TSPAN14: variants seen among roughly 807,000 people sequenced by gnomAD.
The protein encoded by TSPAN14 is tetraspanin-14.
A neutral mutation model predicts 36.6 loss-of-function variants in TSPAN14; 16 were observed. The ratio of observed to expected loss-of-function variants is 0.44; its 90% CI spans 0.30 to 0.66. The LOEUF is 0.66. TSPAN14 is among the 30% of genes least tolerant of loss of function. The pLI is 0.12. For missense variants in TSPAN14, 231 were observed against 355.1 expected (o/e 0.65, Z 2.81); for synonymous variants, 139 against 143.8 (o/e 0.97, Z 0.24).
At chr10:80,508,893 C>A (rs544514330) in intron 4 of TSPAN14, among the ~76,000 whole-genome samples, 4 of 152,100 alleles carry the variant, frequency 2.6e-5, no homozygotes, top group Non-Finnish European at 4.4e-5. Context: ...CTAAAGGAGC[C>A]GACACCCCAG....
At chr10:80,467,362 A>C (rs1239155141) in intron 1 of TSPAN14, among the ~76,000 whole-genome samples, 1 of 152,168 alleles carries the variant, frequency 6.6e-6, no homozygotes, top group Non-Finnish European at 1.5e-5. Flanking sequence ...CAAGACTGGG[A>C]AAGTCACCAT....
intron 6 of TSPAN14, among the ~76,000 whole-genome samples, chr10:80,512,750 G>A (rs60857472): frequency 0.011 from 1,693 of 152,260 alleles, 24 homozygotes; most frequent in African/African-American, 0.039. Flanking sequence ...CTGGAGTGTA[G>A]TGGCATGATC....
In TSPAN14 at chr10:80,500,805, C is replaced by T. The variant is rs113431535; in HGVS notation, c.82-3923C>T. On this transcript the variant is annotated intron_variant, in intron 2 of 8. Transcript: ENST00000429989. ...TGTGGTCTGTGGGCCATATGCAGAG[C>T]GGTAAGCGGCCCTACAGCGGCCCTG... Among the ~76,000 whole-genome samples, 12 of 152,266 alleles carry T rather than the reference C, an allele frequency of 7.9e-5. 1 individual carries two copies. Among genetic ancestry groups the T allele is most frequent in the African/African-American group, 2.2e-4 (9 of 41,566 alleles).
intron 3 of TSPAN14, among the ~76,000 whole-genome samples, chr10:80,505,319 C>T (rs916400406): frequency 3.3e-5 from 5 of 151,974 alleles, no homozygotes; most frequent in Admixed American, 6.6e-5. Context: ...GGTGCAGTTG[C>T]GGCTCCAGGA....
chr10:80,485,604 G>C (rs1847543665), intron 1 of TSPAN14: 2 of 985,116 alleles, frequency 2.0e-6, no homozygotes, highest in Non-Finnish European at 2.4e-6. Flanking sequence ...ACCTTCTTCA[G>C]CTTAAACTAT....
chr10:80,489,380 C>A, intron 2 of TSPAN14, 66 bp downstream of exon 2: 2 of 1,151,626 alleles, frequency 1.7e-6, no homozygotes, highest in Non-Finnish European at 2.5e-6. Context: ...TGGTTTTCCA[C>A]ACACTCTTGA....
chr10:80,513,655 TAAATC>T lies in TSPAN14; in HGVS notation c.577-360_577-356del, dbSNP rs373824422. Among the ~76,000 whole-genome samples, 17 of 152,346 alleles carry T rather than the reference TAAATC, an allele frequency of 1.1e-4. No homozygotes were observed. In the East Asian group the frequency reaches 2.9e-3, roughly 26 times the overall value. On this transcript the variant is annotated intron_variant, in intron 6 of 8. Coordinates refer to ENST00000429989, the Ensembl canonical transcript of TSPAN14. ...TCAGATGTTTTTAAATGGTTGGAAA[TAAATC>T]AAAAGAAGAATAATATTTTGTGGTA...
At chr10:80,474,755 A>G (rs528716300) in intron 1 of TSPAN14, among the ~76,000 whole-genome samples, 3 of 152,198 alleles carry the variant, frequency 2.0e-5, no homozygotes, top group Admixed American at 6.5e-5. Context: ...GTCAGGCCAC[A>G]TGGTTTGAGC....
intron 6 of TSPAN14, among the ~76,000 whole-genome samples, chr10:80,512,977 A>G (rs1840738384): frequency 6.6e-6 from 1 of 152,096 alleles, no homozygotes; most frequent in Non-Finnish European, 1.5e-5. Flanking sequence ...CTCACTGTAC[A>G]ACCATTGCTT....
intron 1 of TSPAN14, among the ~76,000 whole-genome samples, chr10:80,479,289 T>C (rs533708035): frequency 2.7e-5 from 4 of 150,708 alleles, no homozygotes; most frequent in Admixed American, 2.6e-4. Context: ...AGAAGCTCTT[T>C]AGTTTAATTA....
At chr10:80,500,314 C>CTTTTTTTTTTTTTT (rs144759161) in intron 2 of TSPAN14, among the ~76,000 whole-genome samples, 3 of 47,860 alleles carry the variant, frequency 6.3e-5, no homozygotes, top group African/African-American at 2.6e-4. Context: ...AGGCCTTATT[C>CTTTTTTTTTTTTTT]TTTTTTTTTT....
intron 1 of TSPAN14, 116 bp from the exon 2 acceptor site, chr10:80,489,101 G>C: frequency 1.4e-6 from 1 of 691,026 alleles, no homozygotes; most frequent in Non-Finnish European, 2.5e-6. Context: ...GCTTGGACCA[G>C]TAAAGGGTCA....
At chr10:80,479,563 T>C (rs990619356) in intron 1 of TSPAN14, among the ~76,000 whole-genome samples, 43 of 152,170 alleles carry the variant, frequency 2.8e-4, no homozygotes, top group African/African-American at 9.1e-4. Flanking sequence ...CTTTCCCCAT[T>C]GCTTGTTTTT....
chr10:80,520,467 G>T, exon 9 of TSPAN14: 1 of 450,336 alleles, frequency 2.2e-6, no homozygotes. Flanking sequence ...GCACTGGCCT[G>T]TCCTGAATCC....
chr10:80,473,928 T>G (rs150562487), intron 1 of TSPAN14, among the ~76,000 whole-genome samples: 8 of 152,190 alleles, frequency 5.3e-5, no homozygotes, highest in African/African-American at 1.9e-4. Context: ...CTGAGCAGCC[T>G]GCCCTGGCCT....
At chr10:80,480,238 A>G (rs1196836886) in intron 1 of TSPAN14, among the ~76,000 whole-genome samples, 12 of 151,146 alleles carry the variant, frequency 7.9e-5, no homozygotes, top group Non-Finnish European at 1.5e-4. Flanking sequence ...GTCATCTGCA[A>G]ACAGGGACAA....
In TSPAN14 at chr10:80,516,025, A is replaced by G. The variant is rs74143161; in HGVS notation, c.622-179A>G. On this transcript the variant is annotated intron_variant, in intron 7 of 8. Coordinates refer to ENST00000429989, the Ensembl canonical transcript of TSPAN14. Reference sequence around the variant, plus strand: ...CAGGTGGTGCGATGGCACAGTGCCCAGCGAGGGGCAGAGGCTGAGAGGAGC... The same window carrying G: ...CAGGTGGTGCGATGGCACAGTGCCCGGCGAGGGGCAGAGGCTGAGAGGAGC... 8.1e-3 allele frequency: 6,920 copies of G among 851,390 alleles called. 336 individuals carry two copies. The African/African-American group carries it at 0.1, about 13-fold the overall frequency. The allele number at this position is 851,390 out of a possible 1,614,324, so 52.7% of individuals were successfully genotyped here.
intron 2 of TSPAN14, among the ~76,000 whole-genome samples, chr10:80,500,705 T>A (rs1253064885): frequency 6.6e-6 from 1 of 152,156 alleles, no homozygotes; most frequent in Non-Finnish European, 1.5e-5. Context: ...GGTGGGGAGC[T>A]GGCTTCCCCA....
At chr10:80,466,735 T>C (rs1846270334) in intron 1 of TSPAN14, among the ~76,000 whole-genome samples, 1 of 152,154 alleles carries the variant, frequency 6.6e-6, no homozygotes, top group African/African-American at 2.4e-5. Flanking sequence ...AGTGTCTGCG[T>C]CCTGGGAAAA....
Sources: allele counts gnomAD v4.1 joint callset (sites outside exome capture counted in the v4.1 genomes callset), GRCh38; gene constraint gnomAD v4.1.1; transcripts MANE v1.5; gene names NCBI Gene and HGNC (gene_info 2026-07-23, HGNC 2026-07-21).